TNFRSF21: variants seen among roughly 807,000 people sequenced by gnomAD.
The protein encoded by TNFRSF21 is TNF receptor superfamily member 21.
A neutral mutation model predicts 45.6 loss-of-function variants in TNFRSF21; 19 were observed. The observed-to-expected ratio is 0.42, with a 90% CI of 0.29 to 0.61. The LOEUF (loss-of-function observed/expected upper bound fraction) is 0.61, where lower values mean the gene tolerates loss of function less well. TNFRSF21 is among the 20% of genes least tolerant of loss of function. TNFRSF21 has a pLI of 0.23. For missense variants in TNFRSF21, 737 were observed against 851.5 expected, an observed-to-expected ratio of 0.87 and a Z score of 1.67; for synonymous variants, 314 against 335.5, an observed-to-expected ratio of 0.94 and a Z score of 0.70.
chr6:47,306,712 G>A (rs115312498), intron 1 of TNFRSF21, among the ~76,000 whole-genome samples: 2,138 of 151,816 alleles, frequency 0.014, 24 homozygotes, highest in Non-Finnish European at 0.022. Context: ...GCAGTTAGCC[G>A]GTCATGACAA....
chr6:47,284,204 G>A lies in TNFRSF21; in HGVS notation c.977C>T (p.Thr326Met), dbSNP rs766706578. The change falls in exon 3 of 6, where the codon ACG becomes ATG. Residue 326 changes from threonine to methionine, a missense_variant. Coordinates refer to ENST00000296861, the MANE Select transcript of TNFRSF21 (RefSeq NM_014452.5). ...TCCCCTCTTGGGGCCCTTGATGGGC[G>A]TGCTGGACTTCTCGCCCCCAGTGGC... ...MEATGGEKSS[T>M]PIKGPKRGHP... The A allele has an allele frequency of 1.2e-5, 19 of 1,614,168 alleles. No homozygotes were observed. Among genetic ancestry groups the A allele is most frequent in the Middle Eastern group, 1.6e-4 (1 of 6,062 alleles).
chr6:47,298,926 C>A (rs1421671479), intron 1 of TNFRSF21, among the ~76,000 whole-genome samples: 1 of 152,208 alleles, frequency 6.6e-6, no homozygotes, highest in Non-Finnish European at 1.5e-5. Flanking sequence ...TTGAACCTAG[C>A]ACTCCGCAAA....
Position 47,286,502 on chromosome 6 carries a change from C to T in TNFRSF21, c.190G>A (p.Val64Met). Residue 64 changes from valine (V) to methionine (M), a missense_variant, in exon 2 of 6, where the codon GTG becomes ATG. Val to Met is a conservative substitution (Grantham distance 21). Transcript: ENST00000296861. ...GCTGGACACTTGTCACAGGTTAGCA[C>T]CTGGCCGGTGGCACGGTCAACATGG... ...YRHVDRATGQ[V>M]LTCDKCPAGT... 6.2e-7 allele frequency: 1 copy of T among 1,614,158 alleles called. No homozygotes were observed. The highest frequency in any genetic ancestry group is 1.7e-5 in the Admixed American group (1 of 60,032).
At chr6:47,238,925 T>C (rs920773633) in intron 4 of TNFRSF21, among the ~76,000 whole-genome samples, 1 of 152,152 alleles carries the variant, frequency 6.6e-6, no homozygotes, top group African/African-American at 2.4e-5. Flanking sequence ...TTGCCAACCC[T>C]ACATTCCTGC....
chr6:47,233,027 TAAGGTGACTGTACTGGC>T, intron 5 of TNFRSF21, 33 bp from the exon 6 acceptor site: 1 of 1,604,972 alleles, frequency 6.2e-7, no homozygotes. Context: ...AAGACAGCTG[TAAGGTGACTGTACTGGC>T]AAGGCCTGGA....
In TNFRSF21 at chr6:47,232,801, C is replaced by T. The variant is rs764015566; in HGVS notation, c.1932G>A (p.Leu644=). 3.1e-6 allele frequency: 5 copies of T among 1,613,940 alleles called. No individual in the cohort carries two copies. The highest frequency in any genetic ancestry group is 4.5e-5 in the East Asian group (2 of 44,898). ...CAGGAAGATGGCTATAAACAGAGTC[C>T]AGGAGGGTCTGGCTGGCTTCCTGGC... is the stretch of plus-strand genomic sequence containing the variant. The part of the protein sequence containing the change: ...VKSQEASQTL[L]DSVYSHLPDL... The change falls in exon 6 of 6, where the codon CTG becomes CTA. Residue 644 remains leucine, a synonymous_variant. Transcript: ENST00000296861.
chr6:47,264,762 G>T (rs1762308782), intron 3 of TNFRSF21, among the ~76,000 whole-genome samples: 1 of 152,152 alleles, frequency 6.6e-6, no homozygotes, highest in Admixed American at 6.5e-5. Context: ...TTGTCTAGTG[G>T]AAATGGCATT....
In TNFRSF21 at chr6:47,284,403, C is replaced by A; in HGVS notation, c.778G>T (p.Ala260Ser). Residue 260 changes from alanine to serine, a missense_variant, in exon 3 of 6, where the codon GCC becomes TCC. Physicochemically the swap from Ala to Ser is moderately conservative, Grantham distance 99. Transcript: ENST00000296861. Reference protein sequence around the residue: ...GMNSTESNSSASVRPKVLSSI... With the variant: ...GMNSTESNSSSSVRPKVLSSI... ...CTCAGTACCTTTGGTCTAACAGAGG[C>A]AGAAGAGTTGGATTCTGTTGAGTTC... is the stretch of plus-strand genomic sequence containing the variant. 6.6e-7 allele frequency: 1 copy of A among 1,522,804 alleles called. No individual in the cohort carries two copies. Among genetic ancestry groups the A allele is most frequent in the Non-Finnish European group, 8.8e-7 (1 of 1,137,608 alleles). The allele number at this position is 1,522,804 out of a possible 1,614,324, so 94.3% of individuals were successfully genotyped here.
In TNFRSF21 at chr6:47,293,543, T is replaced by TA. The variant is rs1207207697; in HGVS notation, c.97-6949dup. Reference sequence around the variant, plus strand: ...CTGGATAATATACTATCCAGCCTTTTACAGAGAAAGTCTGTCAACACCTGC... The same window carrying TA: ...CTGGATAATATACTATCCAGCCTTTTAACAGAGAAAGTCTGTCAACACCTGC... On this transcript the variant is annotated intron_variant, in intron 1 of 5. Coordinates refer to ENST00000296861, the MANE Select transcript of TNFRSF21 (RefSeq NM_014452.5). 3.3e-5 allele frequency among the ~76,000 whole-genome samples: 5 copies of TA among 152,312 alleles called. No individual in the cohort carries two copies. In the East Asian group the frequency reaches 9.6e-4, roughly 29 times the overall value.
chr6:47,284,022 C>T lies in TNFRSF21; in HGVS notation c.1159G>A (p.Ala387Thr), dbSNP rs115625609. The change falls in exon 3 of 6, where the codon GCC becomes ACC. Residue 387 changes from alanine to threonine, a missense_variant. Coordinates refer to ENST00000296861, the MANE Select transcript of TNFRSF21 (RefSeq NM_014452.5). ...TTCAGCCCTGCCTTTTCCACAATGG[C>T]ACTGGGATCCTGCCGGGGCCCCTTT... ...LKKGPRQDPS[A>T]IVEKAGLKKS... The T allele has an allele frequency of 4.5e-3, 7,283 of 1,614,180 alleles. 294 individuals carry two copies. In the African/African-American group the frequency reaches 0.085, roughly 19 times the overall value.
At chr6:47,255,743 G>A (rs1454066330) in intron 3 of TNFRSF21, among the ~76,000 whole-genome samples, 4 of 152,094 alleles carry the variant, frequency 2.6e-5, no homozygotes, top group Non-Finnish European at 4.4e-5. Context: ...GATTACAGGC[G>A]TGAGCCACCA....
chr6:47,285,827 A>C, intron 2 of TNFRSF21, 117 bp downstream of exon 2: 1 of 1,191,010 alleles, frequency 8.4e-7, no homozygotes, highest in Non-Finnish European at 1.2e-6. Flanking sequence ...GCCTCTCTCC[A>C]AGGGGTGACT....
At chr6:47,302,142 G>A (rs1168268652) in intron 1 of TNFRSF21, among the ~76,000 whole-genome samples, 1 of 152,044 alleles carries the variant, frequency 6.6e-6, no homozygotes, top group Non-Finnish European at 1.5e-5. Context: ...TACAACCTAC[G>A]AAGCGATGTT....
rs1001984580 is a variant in TNFRSF21 at position 47,234,669 on chromosome 6, C to T, written c.1738+1G>A. On this transcript the variant is annotated splice_donor_variant, in intron 5 of 5. Coordinates refer to ENST00000296861, the MANE Select transcript of TNFRSF21 (RefSeq NM_014452.5). LOFTEE classifies it high-confidence loss of function. ...TGTGAGGTCTGCTGCGATGCCCGTA[C>T]CTTTGGTAATAAAGGAACCGTTCCT... 1 of 1,605,562 alleles carries T rather than the reference C, an allele frequency of 6.2e-7. No individual in the cohort carries two copies. Among genetic ancestry groups the T allele is most frequent in the Non-Finnish European group, 8.5e-7 (1 of 1,176,108 alleles).
At chr6:47,275,395 A>G (rs1473764430) in intron 3 of TNFRSF21, among the ~76,000 whole-genome samples, 3 of 152,180 alleles carry the variant, frequency 2.0e-5, no homozygotes, top group Admixed American at 1.3e-4. Flanking sequence ...TCAGCAAACT[A>G]TCACAAGGAC....
rs988683456 is a variant in TNFRSF21, at chr6:47,300,165, G to A, written c.96+9251C>T. On this transcript the variant is annotated intron_variant, in intron 1 of 5. Transcript: ENST00000296861. ...GGCAGCCATAAAGGCTTGAACTGAC[G>A]TGAATCACAGGCACCTCAAAATTAC... Among the ~76,000 whole-genome samples, 10 of 152,162 alleles carry A rather than the reference G, an allele frequency of 6.6e-5. No individual in the cohort carries two copies. The East Asian group carries it at 1.7e-3, about 26-fold the overall frequency.
At position 47,283,961 on chromosome 6, in the gene TNFRSF21, C is replaced by A; in HGVS notation, c.1220G>T (p.Trp407Leu). 6.2e-7 allele frequency: 1 copy of A among 1,613,884 alleles called. No homozygotes were observed. Among genetic ancestry groups the A allele is most frequent in the Non-Finnish European group, 8.5e-7 (1 of 1,179,948 alleles). The stretch of plus-strand genomic sequence containing the variant: ...ACCATGGCCATTGCAGTAGTAGATC[C>A]ATTTCTCCCGGTTCTGGGTTGGAGT... ...SMTPTQNREK[W>L]IYYCNGHGID... Residue 407 changes from tryptophan to leucine, a missense_variant, in exon 3 of 6, where the codon TGG (tryptophan) becomes TTG (leucine). Trp to Leu is a moderately conservative substitution (Grantham distance 61, BLOSUM62 -2). Coordinates refer to ENST00000296861, the MANE Select transcript of TNFRSF21 (RefSeq NM_014452.5).
chr6:47,275,677 C>T (rs762149465), intron 3 of TNFRSF21, among the ~76,000 whole-genome samples: 1 of 151,826 alleles, frequency 6.6e-6, no homozygotes, highest in Admixed American at 6.6e-5. Flanking sequence ...AAAAAAATGT[C>T]TCACATTCTC....
At chr6:47,308,030 G>A (rs886822488) in intron 1 of TNFRSF21, among the ~76,000 whole-genome samples, 6 of 152,088 alleles carry the variant, frequency 3.9e-5, no homozygotes, top group African/African-American at 7.2e-5. Flanking sequence ...GAGACTCCCC[G>A]ACTACTGCTT....
Sources: gnomAD v4.1 joint callset for allele counts (sites outside exome capture counted in the v4.1 genomes callset) on GRCh38, gnomAD v4.1.1 for gene constraint, MANE v1.5 for transcripts, NCBI Gene and HGNC (gene_info 2026-07-23, HGNC 2026-07-21) for gene names.